Variants in HSPA12A observed in about 807,000 individuals in gnomAD.
The protein encoded by HSPA12A is heat shock protein family A (Hsp70) member 12A.
A neutral mutation model predicts 69.2 loss-of-function variants in HSPA12A; 28 were observed. The observed-to-expected ratio is 0.40, with a 90% CI of 0.30 to 0.55. HSPA12A has a LOEUF of 0.55. Among genes scored for constraint, HSPA12A ranks in the 20% least tolerant of loss-of-function variants. The pLI is 0.38. For missense variants in HSPA12A, 686 were observed against 900.7 expected (o/e 0.76, Z 3.05); for synonymous variants, 345 against 370.5 (o/e 0.93, Z 0.79).
At chr10:116,738,879 A>T (rs1851393578) in intron 1 of HSPA12A, among the ~76,000 whole-genome samples, 1 of 152,242 alleles carries the variant, frequency 6.6e-6, no homozygotes, top group Admixed American at 6.5e-5. Flanking sequence ...GTGTAGGGAC[A>T]TACACAGAAG....
intron 2 of HSPA12A, among the ~76,000 whole-genome samples, chr10:116,801,900 CTTTT>C (rs1189025075): frequency 5.9e-5 from 9 of 152,104 alleles, no homozygotes; most frequent in South Asian, 2.1e-4. Context: ...CAAGTATACC[CTTTT>C]TTGTGTCCAG....
At chr10:116,735,244 T>C (rs2133055978) in intron 1 of HSPA12A, among the ~76,000 whole-genome samples, 1 of 152,308 alleles carries the variant, frequency 6.6e-6, no homozygotes, top group South Asian at 2.1e-4. Context: ...TTTTCTAAAG[T>C]TTGTAGTTTC....
Position 116,818,493 on chromosome 10 carries a change from G to A in HSPA12A, c.91+16442C>T, listed in dbSNP as rs185419925. ...CTGTAGGATTGTGCCCCAGCCCAGC[G>A]AGGTAGACTCTGGGCCCGCCCCATA... On this transcript the variant is annotated intron_variant, in intron 2 of 12. Transcript: ENST00000635765. Among the ~76,000 whole-genome samples, 14 of 151,974 alleles carry A rather than the reference G, an allele frequency of 9.2e-5. No individual in the cohort carries two copies. In the East Asian group the frequency reaches 1.6e-3, roughly 17 times the overall value.
Position 116,679,370 on chromosome 10 carries a change from T to G in HSPA12A, c.1286+133A>C, listed in dbSNP as rs1849334494. 34 of 1,032,354 alleles carry G rather than the reference T, an allele frequency of 3.3e-5. 1 individual carries two copies. The South Asian group carries it at 5.1e-4, about 16-fold the overall frequency. The allele number at this position is 1,032,354 out of a possible 1,614,324, so 63.9% of individuals were successfully genotyped here. On this transcript the variant is annotated intron_variant, in intron 10 of 11. Coordinates refer to ENST00000369209, the MANE Select transcript of HSPA12A (RefSeq NM_025015.3). ...GTGAAAAAAACTGAGGGAAGAGAAG[T>G]TGAGTCCCTTGCCCAAGGTCATACA...
chr10:116,682,849 C>T (rs560807312), intron 7 of HSPA12A, among the ~76,000 whole-genome samples: 14 of 150,808 alleles, frequency 9.3e-5, no homozygotes, highest in African/African-American at 3.4e-4. Flanking sequence ...TACAGGCACC[C>T]GCCACCTCGC....
rs781877563 is a variant in HSPA12A at position 116,750,522 on chromosome 10, C to G, written c.92-43237G>C. The G allele has an allele frequency of 1.6e-4, 67 of 428,268 alleles. 1 individual carries two copies. In the South Asian group the frequency reaches 1.6e-3, roughly 10 times the overall value. 26.5% of individuals were successfully genotyped at this position (428,268 alleles called of 1,614,324 possible). A position where few individuals can be genotyped will look rare whatever the true frequency, so the allele number is the denominator to read the frequency against. On this transcript the variant is annotated intron_variant, in intron 2 of 12. Transcript: ENST00000635765. ...ATCAGTCAGAATGTCGTGGATTATACGCATTTCCTAACAGAAGAAGATGAA... is the reference window on the plus strand; with the variant it reads ...ATCAGTCAGAATGTCGTGGATTATAGGCATTTCCTAACAGAAGAAGATGAA...
At chr10:116,793,878 C>A (rs1844755980) in intron 2 of HSPA12A, among the ~76,000 whole-genome samples, 1 of 151,784 alleles carries the variant, frequency 6.6e-6, no homozygotes, top group Admixed American at 6.6e-5. Context: ...CACATAAAGT[C>A]CTAACATATC....
At chr10:116,808,915 A>G (rs1564826615) in intron 2 of HSPA12A, among the ~76,000 whole-genome samples, 1 of 152,170 alleles carries the variant, frequency 6.6e-6, no homozygotes, top group Non-Finnish European at 1.5e-5. Context: ...GCCACTGACC[A>G]GGCAACAATT....
intron 3 of HSPA12A, among the ~76,000 whole-genome samples, chr10:116,703,524 A>G (rs970773858): frequency 2.2e-5 from 3 of 134,624 alleles, no homozygotes; most frequent in African/African-American, 8.7e-5. Context: ...AAGGAACAAG[A>G]GCCTGTCTCT....
chr10:116,719,326 AG>A (rs1342585742), intron 1 of HSPA12A, among the ~76,000 whole-genome samples: 2 of 152,192 alleles, frequency 1.3e-5, no homozygotes, highest in Non-Finnish European at 2.9e-5. Flanking sequence ...CTTTTAAGTG[AG>A]TACCCTGAGA....
intron 2 of HSPA12A, among the ~76,000 whole-genome samples, chr10:116,758,170 C>T (rs782558929): frequency 3.3e-5 from 5 of 152,116 alleles, no homozygotes; most frequent in Non-Finnish European, 7.4e-5. Context: ...ATGCTAGGTA[C>T]CTAACAGCCT....
intron 2 of HSPA12A, 30 bp downstream of exon 2, chr10:116,707,170 C>T: frequency 6.6e-7 from 1 of 1,520,924 alleles, no homozygotes. Context: ...CACACACACA[C>T]ACACACACAC....
chr10:116,785,703 A>G (rs1222624468), intron 2 of HSPA12A, among the ~76,000 whole-genome samples: 1 of 151,740 alleles, frequency 6.6e-6, no homozygotes, highest in African/African-American at 2.4e-5. Flanking sequence ...ACTACCCCAA[A>G]TATCCACCTG....
At chr10:116,825,171 G>A (rs1372753173) in intron 2 of HSPA12A, among the ~76,000 whole-genome samples, 1 of 149,820 alleles carries the variant, frequency 6.7e-6, no homozygotes, top group Non-Finnish European at 1.5e-5. Flanking sequence ...TGGGTGGCAG[G>A]GTGAGACCTT....
intron 1 of HSPA12A, among the ~76,000 whole-genome samples, chr10:116,722,446 G>A (rs1850810803): frequency 6.6e-6 from 1 of 152,174 alleles, no homozygotes. Context: ...CCTAGTCTGG[G>A]AGGGTCCTGA....
intron 2 of HSPA12A, among the ~76,000 whole-genome samples, chr10:116,790,151 G>C (rs983498433): frequency 7.5e-6 from 1 of 133,090 alleles, no homozygotes; most frequent in African/African-American, 2.8e-5. Flanking sequence ...GCCCAGGCCG[G>C]ACTGCAGTGG....
At chr10:116,742,745 C>T (rs1302551489), upstream of HSPA12A, among the ~76,000 whole-genome samples, 17 of 151,742 alleles carry the variant, frequency 1.1e-4, no homozygotes, top group African/African-American at 3.6e-4. Flanking sequence ...TCCCCGCCCG[C>T]CCAGAGCGGC....
intron 6 of HSPA12A, among the ~76,000 whole-genome samples, chr10:116,685,807 T>G (rs2132921917): frequency 6.6e-6 from 1 of 152,282 alleles, no homozygotes; most frequent in South Asian, 2.1e-4. Flanking sequence ...AGCAGGCAGG[T>G]GACTGAACAT....
intron 1 of HSPA12A, among the ~76,000 whole-genome samples, chr10:116,837,773 T>C (rs1845740911): frequency 6.6e-6 from 1 of 151,208 alleles, no homozygotes; most frequent in Non-Finnish European, 1.5e-5. Flanking sequence ...TTCCTACCTA[T>C]AATAAAAGGT....
Sources: gnomAD v4.1 joint callset for allele counts (sites outside exome capture counted in the v4.1 genomes callset) on GRCh38, gnomAD v4.1.1 for gene constraint, MANE v1.5 for transcripts, NCBI Gene and HGNC (gene_info 2026-07-23, HGNC 2026-07-21) for gene names.